Variants in FGGY observed in about 807,000 individuals in gnomAD.
FGGY encodes FGGY carbohydrate kinase domain-containing protein.
FGGY carries 72 observed loss-of-function variants against 71.3 expected under a neutral mutation model. The observed-to-expected ratio is 1.01, with a 90% CI of 0.84 to 1.23. The LOEUF (loss-of-function observed/expected upper bound fraction) is 1.23, where lower values mean the gene tolerates loss of function less well. Ranked by LOEUF, FGGY falls within the 50% of genes most tolerant of loss-of-function variation. The pLI, the probability that FGGY is intolerant of heterozygous loss-of-function variation, is 0.00. For synonymous variants in FGGY, 251 were observed against 250.3 expected (o/e 1.00, Z -0.02); for missense variants, 668 against 682.3 (o/e 0.98, Z 0.23).
chr1:59,587,566 C>A (rs752020244), intron 8 of FGGY, among the ~76,000 whole-genome samples: 1 of 152,168 alleles, frequency 6.6e-6, no homozygotes, highest in African/African-American at 2.4e-5. Context: ...CAGACTGACA[C>A]CTCACACGGC....
intron 5 of FGGY, among the ~76,000 whole-genome samples, chr1:59,429,889 A>G (rs2153457964): frequency 6.6e-6 from 1 of 152,304 alleles, no homozygotes; most frequent in Non-Finnish European, 1.5e-5. Flanking sequence ...CTCAGCCCAT[A>G]GTTCTTTCTT....
Position 59,520,860 on chromosome 1 carries a change from G to A in FGGY, c.799+8421G>A, listed in dbSNP as rs115677226. Among the ~76,000 whole-genome samples, 435 of 152,220 alleles carry A rather than the reference G, an allele frequency of 2.9e-3. 4 individuals carry two copies. The highest frequency in any genetic ancestry group is 0.01 in the African/African-American group (416 of 41,526). ...GGATGAGTTGGCACTGAGGACACTG[G>A]GGTCAGAAGCAGTATTGATGTGTTT... On this transcript the variant is annotated intron_variant, in intron 7 of 15. Coordinates refer to ENST00000303721, the MANE Select transcript of FGGY (RefSeq NM_018291.5).
intron 4 of FGGY, among the ~76,000 whole-genome samples, chr1:59,374,459 C>T (rs1372293014): frequency 2.6e-5 from 4 of 152,180 alleles, no homozygotes; most frequent in Non-Finnish European, 4.4e-5. Flanking sequence ...GTTGTTGGGA[C>T]TGTAAACTAG....
chr1:59,375,265 G>GAAAAAAA (rs1289366742), intron 4 of FGGY, among the ~76,000 whole-genome samples: 3 of 99,782 alleles, frequency 3.0e-5, no homozygotes, highest in African/African-American at 7.1e-5. Flanking sequence ...TCTCAAAAAA[G>GAAAAAAA]AAAAAAAAAA....
rs558346498 is a variant in FGGY at position 59,475,016 on chromosome 1, C to T, written c.670+17940C>T. Among the ~76,000 whole-genome samples, 8 of 152,336 alleles carry T rather than the reference C, an allele frequency of 5.3e-5. No homozygotes were observed. The East Asian group carries it at 1.5e-3, about 29-fold the overall frequency. ...GGTCTTCAGAAAATGAAAGTTCTTA[C>T]TACTATAATGATTGTCCATTCCTCT... On this transcript the variant is annotated intron_variant, in intron 6 of 15. Transcript: ENST00000303721.
intron 8 of FGGY, among the ~76,000 whole-genome samples, chr1:59,574,339 TC>T (rs1301455868): frequency 6.6e-6 from 1 of 152,232 alleles, no homozygotes; most frequent in Non-Finnish European, 1.5e-5. Context: ...CATCTGCCTC[TC>T]CCTGTCTCTT....
rs754167990 is a variant in FGGY at position 59,512,305 on chromosome 1, AC to A, written c.671-3del. 6.2e-7 allele frequency: 1 copy of A among 1,602,960 alleles called. No homozygotes were observed. The highest frequency in any genetic ancestry group is 1.1e-5 in the South Asian group (1 of 89,456). On this transcript the variant is annotated splice_polypyrimidine_tract_variant and splice_region_variant and intron_variant, in intron 6 of 15. Transcript: ENST00000303721. Reference sequence around the variant, plus strand: ...ATGGTGTTTGTTTTTTCTCATGTCTACCCAGGAAACCAAGTGCTACCTCCTG... The same window carrying A: ...ATGGTGTTTGTTTTTTCTCATGTCTACCAGGAAACCAAGTGCTACCTCCTG...
At chr1:59,759,902 T>C (rs1314951877) in intron 15 of FGGY, among the ~76,000 whole-genome samples, 5 of 152,238 alleles carry the variant, frequency 3.3e-5, no homozygotes, top group African/African-American at 1.2e-4. Context: ...CCAAATTGCA[T>C]TATTATGTTC....
intron 1 of FGGY, among the ~76,000 whole-genome samples, chr1:59,311,217 G>A (rs2044253074): frequency 6.6e-6 from 1 of 152,026 alleles, no homozygotes. Flanking sequence ...AAAGAGTTCA[G>A]CTCTGGCTGA....
chr1:59,721,510 G>T (rs2097895918), intron 14 of FGGY, among the ~76,000 whole-genome samples: 1 of 151,570 alleles, frequency 6.6e-6, no homozygotes, highest in South Asian at 2.1e-4. Context: ...GGCTAATTTT[G>T]TATTTTTCGT....
At chr1:59,367,966 A>G (rs1390915545) in intron 4 of FGGY, among the ~76,000 whole-genome samples, 1 of 152,268 alleles carries the variant, frequency 6.6e-6, no homozygotes, top group East Asian at 1.9e-4. Flanking sequence ...GCTTAACTCA[A>G]AGGATTGTTG....
intron 4 of FGGY, among the ~76,000 whole-genome samples, chr1:59,353,611 C>T (rs1008068638): frequency 5.3e-5 from 8 of 152,186 alleles, no homozygotes; most frequent in African/African-American, 1.9e-4. Context: ...TACTTGTTTC[C>T]CTTGACATTT....
intron 8 of FGGY, among the ~76,000 whole-genome samples, chr1:59,585,828 A>G (rs1239164434): frequency 6.6e-6 from 1 of 152,250 alleles, no homozygotes; most frequent in East Asian, 1.9e-4. Flanking sequence ...TTGCAAGAAA[A>G]AAACCCCATC....
intron 14 of FGGY, among the ~76,000 whole-genome samples, chr1:59,723,079 G>C (rs1468328974): frequency 6.6e-6 from 1 of 152,186 alleles, no homozygotes; most frequent in African/African-American, 2.4e-5. Flanking sequence ...TTACAGACAT[G>C]AGCCACTGTG....
chr1:59,711,325 G>A (rs758567728), intron 14 of FGGY, among the ~76,000 whole-genome samples: 1 of 152,094 alleles, frequency 6.6e-6, no homozygotes, highest in East Asian at 1.9e-4. Context: ...AGCATTAGGA[G>A]AAATACCTAA....
At chr1:59,594,259 T>C (rs180929272) in intron 8 of FGGY, among the ~76,000 whole-genome samples, 1 of 152,262 alleles carries the variant, frequency 6.6e-6, no homozygotes, top group East Asian at 1.9e-4. Flanking sequence ...GACTCTGAAC[T>C]CAGAAACATG....
chr1:59,689,462 G>A (rs1201776910), intron 14 of FGGY, among the ~76,000 whole-genome samples: 1 of 152,102 alleles, frequency 6.6e-6, no homozygotes, highest in Non-Finnish European at 1.5e-5. Flanking sequence ...AGATCAATTA[G>A]GAATTTGATC....
intron 14 of FGGY, among the ~76,000 whole-genome samples, chr1:59,704,340 G>C (rs1421912972): frequency 1.3e-5 from 2 of 151,964 alleles, no homozygotes; most frequent in African/African-American, 4.8e-5. Flanking sequence ...AAAATGACAG[G>C]AATACACTTA....
At chr1:59,432,102 G>A (rs1443282093) in intron 5 of FGGY, among the ~76,000 whole-genome samples, 1 of 152,158 alleles carries the variant, frequency 6.6e-6, no homozygotes, top group Non-Finnish European at 1.5e-5. Context: ...TCATGCCTGT[G>A]TGATGAATCA....
Sources: gnomAD v4.1 joint callset for allele counts (sites outside exome capture counted in the v4.1 genomes callset) on GRCh38, gnomAD v4.1.1 for gene constraint, MANE v1.5 for transcripts, NCBI Gene and HGNC (gene_info 2026-07-23, HGNC 2026-07-21) for gene names.